Variants in WDR73 observed in about 807,000 individuals in gnomAD.
WDR73 encodes the protein WD repeat domain 73.
In WDR73, 30 loss-of-function variants were observed where a neutral mutation model predicts 38.2. The ratio of observed to expected loss-of-function variants is 0.79; its 90% confidence interval spans 0.59 to 1.06. The LOEUF (loss-of-function observed/expected upper bound fraction) is 1.06, where lower values mean the gene tolerates loss of function less well. Among genes scored for constraint, WDR73 ranks in the 50% least tolerant of loss-of-function variants. The probability of loss-of-function intolerance (pLI) is 0.00; values close to 1 mark genes in which losing one functional copy is unlikely to be tolerated. For synonymous variants in WDR73, 197 were observed against 176.0 expected, an observed-to-expected ratio of 1.12 and a Z score of -0.94; for missense variants, 487 against 467.0, an observed-to-expected ratio of 1.04 and a Z score of -0.40.
chr15:84,648,179 G>C (rs1460407928), intron 4 of WDR73: 18 of 604,320 alleles, frequency 3.0e-5, no homozygotes, highest in South Asian at 2.2e-4. Context: ...CACCTACAGA[G>C]GACACAAGTA....
intron 1 of WDR73, 77 bp from the exon 2 acceptor site, chr15:84,653,776 G>T: frequency 8.5e-7 from 1 of 1,179,174 alleles, no homozygotes; most frequent in Non-Finnish European, 1.2e-6. Flanking sequence ...CAGCCGCATG[G>T]TTCAGTGGCC....
chr15:84,645,244 G>T (rs1430008272), intron 7 of WDR73: 1 of 1,427,808 alleles, frequency 7.0e-7, no homozygotes, highest in Admixed American at 2.5e-5. Context: ...CCTGAGACCT[G>T]AATTCCTGCT....
chr15:84,652,950 G>A (rs1231280568), intron 2 of WDR73, 148 bp from the exon 3 acceptor site: 11 of 535,792 alleles, frequency 2.1e-5, no homozygotes, highest in Admixed American at 3.7e-5. Flanking sequence ...ACAAGGTCTC[G>A]CTGTGTCAGC....
Position 84,653,684 on chromosome 15 carries a change from A to G in WDR73, c.57T>C (p.Tyr19=). Residue 19 remains tyrosine, a synonymous_variant, in exon 2 of 8, where the codon TAT becomes TAC. Coordinates refer to ENST00000434634, the MANE Select transcript of WDR73 (RefSeq NM_032856.5). ...GAGTGGCTCCTGACAGGTCGAATGC[A>G]TAGAAATCCTGGTACCTGCACAAAA... The part of the protein sequence containing the change: ...VESLRLYQDF[Y]AFDLSGATRV... 3 of 1,593,026 alleles carry G rather than the reference A, an allele frequency of 1.9e-6. No homozygotes were observed. Among genetic ancestry groups the G allele is most frequent in the East Asian group, 2.3e-5 (1 of 44,176 alleles).
rs1414301755 is a variant in WDR73 at position 84,640,717 on chromosome 15, T to C, written c.*2753A>G. Reference sequence around the variant, plus strand: ...ACTCAGCTGAAAAATAATAATATTATTAAAAGAATTTAAAATAAAGTGTTC... The same window carrying C: ...ACTCAGCTGAAAAATAATAATATTACTAAAAGAATTTAAAATAAAGTGTTC... On this transcript the variant is annotated 3_prime_UTR_variant, in exon 8 of 8. Transcript: ENST00000434634. 1 of 152,140 alleles carries C rather than the reference T, an allele frequency of 6.6e-6. No homozygotes were observed. Among genetic ancestry groups the C allele is most frequent in the Admixed American group, 6.6e-5 (1 of 15,258 alleles). 9.4% of individuals were successfully genotyped at this position (152,140 alleles called of 1,614,324 possible).
rs888813944 is a variant in WDR73 at position 84,651,876 on chromosome 15, A to AT, written c.198+837dup. On this transcript the variant is annotated intron_variant, in intron 3 of 7. Coordinates refer to ENST00000434634, the MANE Select transcript of WDR73 (RefSeq NM_032856.5). Reference sequence around the variant, plus strand: ...ATGAACTCAATTCCTCATCTGAATGATTTTTTTTTTTGAGATGCAGTCTTG... The same window carrying AT: ...ATGAACTCAATTCCTCATCTGAATGATTTTTTTTTTTTGAGATGCAGTCTTG... Among the ~76,000 whole-genome samples the AT allele has an allele frequency of 1.4e-3, 204 of 148,418 alleles. 2 individuals are homozygous for AT. The highest frequency in any genetic ancestry group is 4.1e-3 in the East Asian group (21 of 5,088).
chr15:84,651,506 C>T (rs1896623287), intron 3 of WDR73, among the ~76,000 whole-genome samples: 1 of 152,212 alleles, frequency 6.6e-6, no homozygotes, highest in African/African-American at 2.4e-5. Context: ...CTGCATGCCT[C>T]ACTCCTCCCT....
chr15:84,646,288 C>G lies in WDR73; in HGVS notation c.413G>C (p.Arg138Thr). 6.2e-7 allele frequency: 1 copy of G among 1,613,984 alleles called. No individual in the cohort carries two copies. Among genetic ancestry groups the G allele is most frequent in the Non-Finnish European group, 8.5e-7 (1 of 1,179,884 alleles). The change falls in exon 6 of 8, where the codon AGG becomes ACG. Residue 138 changes from arginine (R) to threonine (T), a missense_variant. Coordinates refer to ENST00000434634, the MANE Select transcript of WDR73 (RefSeq NM_032856.5). ...TGCCAATGTGGAGAAGACGGCCACC[C>G]TAGGCCAGAGACTCTCCTCTTTCTC... is the stretch of plus-strand genomic sequence containing the variant. ...VHEKEESLWP[R>T]VAVFSTLAPG...
chr15:84,640,133 G>T lies in WDR73; in HGVS notation c.*3337C>A, dbSNP rs1896213843. 1 of 152,210 alleles carries T rather than the reference G, an allele frequency of 6.6e-6. No homozygotes were observed. The highest frequency in any genetic ancestry group is 1.9e-4 in the East Asian group (1 of 5,192). The allele number at this position is 152,210 out of a possible 1,614,324, so 9.4% of individuals were successfully genotyped here. On this transcript the variant is annotated 3_prime_UTR_variant, in exon 8 of 8. Transcript: ENST00000434634. ...GAGGAGTCTCAAGAGGAATCCTGGAGGCTTGGTCCCCAGGCCTTGAGGTGG... is the reference window on the plus strand; with the variant it reads ...GAGGAGTCTCAAGAGGAATCCTGGATGCTTGGTCCCCAGGCCTTGAGGTGG...
chr15:84,653,006 C>T (rs1896671881), intron 2 of WDR73: 1 of 440,490 alleles, frequency 2.3e-6, no homozygotes, highest in South Asian at 4.8e-5. Flanking sequence ...GCAGCCTCAA[C>T]CTGCCAGGCT....
Position 84,643,575 on chromosome 15 carries a change from G to A in WDR73, c.1032C>T (p.Val344=). 1 of 1,612,106 alleles carries A rather than the reference G, an allele frequency of 6.2e-7. No homozygotes were observed. The highest frequency in any genetic ancestry group is 8.5e-7 in the Non-Finnish European group (1 of 1,179,128). Residue 344 remains valine, a synonymous_variant, in exon 8 of 8, where the codon GTC becomes GTT. Transcript: ENST00000434634. ...DGNGMDPAPL[V]TTHTWHPCRP... ...TGCAGGGATGCCAGGTGTGGGTGGTGACCAAAGGAGCAGGGTCCATCCCAT... is the reference window on the plus strand; with the variant it reads ...TGCAGGGATGCCAGGTGTGGGTGGTAACCAAAGGAGCAGGGTCCATCCCAT...
chr15:84,645,964 T>G, intron 6 of WDR73, 128 bp from the exon 7 acceptor site: 1 of 1,550,092 alleles, frequency 6.5e-7, no homozygotes, highest in Non-Finnish European at 8.7e-7. Context: ...CCCTTCCCAC[T>G]CATCTCACCA....
In WDR73 at chr15:84,652,694, G is replaced by A; in HGVS notation, c.198+20C>T. 1 of 1,336,368 alleles carries A rather than the reference G, an allele frequency of 7.5e-7. No homozygotes were observed. The highest frequency in any genetic ancestry group is 1.4e-5 in the South Asian group (1 of 72,832). The allele number at this position is 1,336,368 out of a possible 1,614,324, so 82.8% of individuals were successfully genotyped here. On this transcript the variant is annotated intron_variant, in intron 3 of 7. Transcript: ENST00000434634. Reference sequence around the variant, plus strand: ...AAATAAATAAAAGTTGACATACTCAGCATTTATATTTTAAGTTACCTTGTT... The same window carrying A: ...AAATAAATAAAAGTTGACATACTCAACATTTATATTTTAAGTTACCTTGTT...
rs777910388 is a variant in WDR73, at chr15:84,654,239, CA to C, written c.35del (p.Leu12CysfsTer35). On this transcript the variant is annotated frameshift_variant, in exon 1 of 8. Transcript: ENST00000434634. LOFTEE classifies it high-confidence loss of function. ...DPGDDWLVES[L>X]RLYQDFYAFD... is the part of the protein sequence containing the mutation. ...CCCAGCCCCGTACGATTTACAAGCG[CA>C]AGGATTCCACCAGCCAGTCGTCCCC... 1.2e-6 allele frequency: 2 copies of C among 1,613,946 alleles called. No homozygotes were observed. The highest frequency in any genetic ancestry group is 3.3e-5 in the Admixed American group (2 of 60,018).
intron 3 of WDR73, among the ~76,000 whole-genome samples, chr15:84,652,109 G>A (rs185898406): frequency 3.9e-5 from 6 of 152,182 alleles, no homozygotes; most frequent in African/African-American, 1.2e-4. Flanking sequence ...CTCATGATCC[G>A]CCCAACTCGG....
In WDR73 at chr15:84,643,744, G is replaced by A. The variant is rs765702732; in HGVS notation, c.884-21C>T. ...AAAACCTGAGAATACAGAAAAGAGAGGCTTGACAATGAGTCCCTAATTTTA... is the reference window on the plus strand; with the variant it reads ...AAAACCTGAGAATACAGAAAAGAGAAGCTTGACAATGAGTCCCTAATTTTA... On this transcript the variant is annotated intron_variant, in intron 7 of 7. Transcript: ENST00000434634. 1.3e-5 allele frequency: 20 copies of A among 1,594,746 alleles called. No homozygotes were observed. The East Asian group carries it at 3.8e-4, about 30-fold the overall frequency.
Position 84,648,605 on chromosome 15 carries a change from ATCTC to A in WDR73, c.215_218del (p.Arg72IlefsTer17). On this transcript the variant is annotated frameshift_variant, in exon 4 of 8. Coordinates refer to ENST00000434634, the MANE Select transcript of WDR73 (RefSeq NM_032856.5). LOFTEE classifies it high-confidence loss of function. Reference sequence around the variant, plus strand: ...AAAATCCTCCATGGCGCACTTTGAAATCTCTTTCTGGGAATAAGCCCTAAAATAC... The same window carrying A: ...AAAATCCTCCATGGCGCACTTTGAAATTTCTGGGAATAAGCCCTAAAATAC... 1 of 1,613,902 alleles carries A rather than the reference ATCTC, an allele frequency of 6.2e-7. No individual in the cohort carries two copies. Among genetic ancestry groups the A allele is most frequent in the Admixed American group, 1.7e-5 (1 of 60,020 alleles).
In WDR73 at chr15:84,640,318, G is replaced by T. The variant is rs1407561490; in HGVS notation, c.*3152C>A. On this transcript the variant is annotated 3_prime_UTR_variant, in exon 8 of 8. Coordinates refer to ENST00000434634, the MANE Select transcript of WDR73 (RefSeq NM_032856.5). ...AATGGCCTCATCGGGGGAAAAATTG[G>T]TGACAACTTTAAGAAATACTGTTTA... The T allele has an allele frequency of 6.6e-6, 1 of 152,184 alleles. No individual in the cohort carries two copies. The highest frequency in any genetic ancestry group is 1.5e-5 in the Non-Finnish European group (1 of 68,060). The allele number at this position is 152,184 out of a possible 1,614,324, so 9.4% of individuals were successfully genotyped here.
chr15:84,643,837 G>C lies in WDR73; in HGVS notation c.884-114C>G, dbSNP rs1028323770. 6.3e-6 allele frequency: 8 copies of C among 1,269,262 alleles called. No individual in the cohort carries two copies. The African/African-American group carries it at 1.2e-4, about 19-fold the overall frequency. 78.6% of individuals were successfully genotyped at this position (1,269,262 alleles called of 1,614,324 possible). A position where few individuals can be genotyped will look rare whatever the true frequency, so the allele number is the denominator to read the frequency against. On this transcript the variant is annotated intron_variant, in intron 7 of 7. Transcript: ENST00000434634. Reference sequence around the variant, plus strand: ...TCACCATGTTGACCAGGATGGTCTTGAACTCCTAGCCTCAAGCGATCCTCC... The same window carrying C: ...TCACCATGTTGACCAGGATGGTCTTCAACTCCTAGCCTCAAGCGATCCTCC...
Sources: gnomAD v4.1 joint callset for allele counts (sites outside exome capture counted in the v4.1 genomes callset) on GRCh38, gnomAD v4.1.1 for gene constraint, MANE v1.5 for transcripts, NCBI Gene and HGNC (gene_info 2026-07-23, HGNC 2026-07-21) for gene names.